TUBA1C: variants seen among roughly 807,000 people sequenced by gnomAD.
The protein encoded by TUBA1C is tubulin alpha-1C chain.
TUBA1C carries 16 observed loss-of-function variants against 34.9 expected under a neutral mutation model. The ratio of observed to expected loss-of-function variants is 0.46; its 90% CI spans 0.31 to 0.70. TUBA1C has a LOEUF of 0.70. Among genes scored for constraint, TUBA1C ranks in the 30% least tolerant of loss-of-function variants. TUBA1C has a pLI of 0.05. For missense variants in TUBA1C, 329 were observed against 587.3 expected (o/e 0.56, Z 4.55); for synonymous variants, 177 against 215.9 (o/e 0.82, Z 1.58).
intron 2 of TUBA1C, 69 bp downstream of exon 2, chr12:49,269,756 T>C: frequency 6.2e-7 from 1 of 1,613,170 alleles, no homozygotes; most frequent in Non-Finnish European, 8.5e-7. Context: ...CTGGGGGGGC[T>C]CCGCTGGTCA....
At chr12:49,268,085 CTA>C (rs1321720147) in intron 1 of TUBA1C, among the ~76,000 whole-genome samples, 1 of 151,686 alleles carries the variant, frequency 6.6e-6, no homozygotes, top group African/African-American at 2.4e-5. Context: ...AAATATATAT[CTA>C]TGAGAGAGAG....
intron 1 of TUBA1C, among the ~76,000 whole-genome samples, chr12:49,238,124 A>G (rs1375189839): frequency 6.6e-6 from 1 of 151,708 alleles, no homozygotes; most frequent in African/African-American, 2.4e-5. Context: ...AAAAAAAAAA[A>G]GTTCACTCCG....
rs538625739 is a variant in TUBA1C at position 49,272,831 on chromosome 12, A to G, written c.954A>G (p.Leu318=). 276 of 1,614,086 alleles carry G rather than the reference A, an allele frequency of 1.7e-4. No individual in the cohort carries two copies. The highest frequency in any genetic ancestry group is 5.0e-4 in the Middle Eastern group (3 of 6,052). ...RHGKYMACCL[L]YRGDVVPKDV... is the part of the protein sequence containing the mutation. ...GTAAATACATGGCTTGCTGCCTGTT[A>G]TACCGTGGTGACGTGGTTCCCAAAG... Residue 318 remains leucine (L), a synonymous_variant, in exon 4 of 4, where the codon TTA becomes TTG. Coordinates refer to ENST00000301072, the MANE Select transcript of TUBA1C (RefSeq NM_032704.5).
chr12:49,268,386 A>G lies in TUBA1C; in HGVS notation c.4-1079A>G, dbSNP rs924533641. Among the ~76,000 whole-genome samples, 6 of 149,820 alleles carry G rather than the reference A, an allele frequency of 4.0e-5. No individual in the cohort carries two copies. The East Asian group carries it at 7.8e-4, about 19-fold the overall frequency. The stretch of plus-strand genomic sequence containing the variant: ...AGTCCTGGGATTACAGGCATGAGCC[A>G]CTGTGCTCTACCATAATTTTTTTTT... On this transcript the variant is annotated intron_variant, in intron 1 of 3. Coordinates refer to ENST00000301072, the MANE Select transcript of TUBA1C (RefSeq NM_032704.5).
intron 1 of TUBA1C, among the ~76,000 whole-genome samples, chr12:49,240,121 AT>A (rs927519210): frequency 9.3e-5 from 14 of 151,144 alleles, no homozygotes; most frequent in Non-Finnish European, 1.3e-4. Context: ...TTCTCTGAGC[AT>A]TATTTTTGGG....
chr12:49,267,453 G>A (rs1335326004), intron 1 of TUBA1C, among the ~76,000 whole-genome samples: 1 of 152,148 alleles, frequency 6.6e-6, no homozygotes, highest in African/African-American at 2.4e-5. Context: ...GAGGTCAGGA[G>A]TTCAAGACCA....
At chr12:49,271,578 G>GA (rs1942992184) in intron 3 of TUBA1C, among the ~76,000 whole-genome samples, 1 of 152,216 alleles carries the variant, frequency 6.6e-6, no homozygotes, top group Admixed American at 6.5e-5. Flanking sequence ...GAAGAACTGA[G>GA]AAATGAATGT....
intron 1 of TUBA1C, among the ~76,000 whole-genome samples, chr12:49,257,396 C>G (rs947369874): frequency 6.6e-6 from 1 of 152,016 alleles, no homozygotes; most frequent in African/African-American, 2.4e-5. Context: ...AATCCTCAGT[C>G]CAGGGATGAA....
chr12:49,256,391 CCA>C (rs781356441), intron 1 of TUBA1C: 3 of 446,366 alleles, frequency 6.7e-6, no homozygotes, highest in South Asian at 3.2e-5. Context: ...TTTTTCTTTT[CCA>C]CAGTGTGTGA....
At chr12:49,244,723 G>A (rs1312192445) in intron 1 of TUBA1C, among the ~76,000 whole-genome samples, 1 of 152,036 alleles carries the variant, frequency 6.6e-6, no homozygotes, top group East Asian at 1.9e-4. Context: ...ATATCAAAGA[G>A]TTTTCATGAT....
At chr12:49,271,234 G>C (rs577720700) in intron 3 of TUBA1C, among the ~76,000 whole-genome samples, 1 of 152,270 alleles carries the variant, frequency 6.6e-6, no homozygotes, top group African/African-American at 2.4e-5. Flanking sequence ...AGGCTATAAG[G>C]GAGCTGAGTA....
At chr12:49,255,425 T>C (rs962954864) in intron 1 of TUBA1C, among the ~76,000 whole-genome samples, 3 of 148,498 alleles carry the variant, frequency 2.0e-5, no homozygotes, top group Admixed American at 1.4e-4. Context: ...TATATATATA[T>C]ATATATTTCT....
chr12:49,258,164 A>G (rs1942804319), intron 1 of TUBA1C, among the ~76,000 whole-genome samples: 1 of 151,870 alleles, frequency 6.6e-6, no homozygotes, highest in Non-Finnish European at 1.5e-5. Context: ...CTGGCCTTAC[A>G]AATTTTTAAA....
chr12:49,260,492 A>G (rs760407517), upstream of TUBA1C, among the ~76,000 whole-genome samples: 4 of 152,244 alleles, frequency 2.6e-5, no homozygotes, highest in Non-Finnish European at 5.9e-5. Flanking sequence ...GCCCTGCCAA[A>G]GGGGAAGTCG....
chr12:49,264,268 T>G (rs1449497797), upstream of TUBA1C, among the ~76,000 whole-genome samples: 1 of 149,282 alleles, frequency 6.7e-6, no homozygotes, highest in African/African-American at 2.5e-5. Flanking sequence ...AATCAAAAAA[T>G]GTAAGCTATT....
chr12:49,256,419 T>C (rs1942785056), intron 1 of TUBA1C: 1 of 455,514 alleles, frequency 2.2e-6, no homozygotes, highest in African/African-American at 2.0e-5. Context: ...GCTCTGTCCC[T>C]TGGGTTCCGT....
chr12:49,265,648 G>C (rs141878265), intron 1 of TUBA1C, among the ~76,000 whole-genome samples: 63 of 152,302 alleles, frequency 4.1e-4, no homozygotes, highest in Middle Eastern at 3.4e-3. Flanking sequence ...CCAGTGACTC[G>C]CTGCTGAGTC....
At position 49,273,443 on chromosome 12, in the gene TUBA1C, TG is replaced by T. The variant is rs1170097125; in HGVS notation, c.*218del. ...CTCTGTCACCCAGGCTGGAGTGCAG[TG>T]GCATGATAATACATAGCTCATTGCA... On this transcript the variant is annotated 3_prime_UTR_variant, in exon 4 of 4. Transcript: ENST00000301072. 19 of 775,764 alleles carry T rather than the reference TG, an allele frequency of 2.4e-5. No individual in the cohort carries two copies. The highest frequency in any genetic ancestry group is 3.5e-5 in the Non-Finnish European group (17 of 489,272). 48.1% of individuals were successfully genotyped at this position (775,764 alleles called of 1,614,324 possible). A position where few individuals can be genotyped will look rare whatever the true frequency, so the allele number is the denominator to read the frequency against.
At position 49,272,526 on chromosome 12, in the gene TUBA1C, C is replaced by A. The variant is rs750781969; in HGVS notation, c.649C>A (p.Leu217Ile). ...CATCTATGACATCTGTCGTAGAAAC[C>A]TCGATATCGAGCGCCCAACCTACAC... is the stretch of plus-strand genomic sequence containing the variant. The part of the protein sequence containing the change: ...EAIYDICRRN[L>I]DIERPTYTNL... The change falls in exon 4 of 4, where the codon CTC (leucine) becomes ATC (isoleucine). Residue 217 changes from leucine to isoleucine, a missense_variant. Around this residue, in one of 4 missense-constraint regions of TUBA1C, gnomAD observed 140 missense variants for 289.8 expected, o/e 0.48. Coordinates refer to ENST00000301072, the MANE Select transcript of TUBA1C (RefSeq NM_032704.5). 7.5e-6 allele frequency: 12 copies of A among 1,609,030 alleles called. No homozygotes were observed. In the East Asian group the frequency reaches 2.7e-4, roughly 36 times the overall value.
Sources: allele counts gnomAD v4.1 joint callset (sites outside exome capture counted in the v4.1 genomes callset), GRCh38; gene constraint gnomAD v4.1.1; regional missense constraint gnomAD v4.1.1; transcripts MANE v1.5; gene names NCBI Gene and HGNC (gene_info 2026-07-23, HGNC 2026-07-21).